Variants in LRBA observed in about 807,000 individuals in gnomAD.
LRBA encodes the protein lipopolysaccharide-responsive and beige-like anchor protein.
A neutral mutation model predicts 330.0 loss-of-function variants in LRBA; 176 were observed. The observed-to-expected ratio is 0.53, with a 90% CI of 0.47 to 0.60. The LOEUF (loss-of-function observed/expected upper bound fraction) is 0.60, where lower values mean the gene tolerates loss of function less well. LRBA is among the 20% of genes least tolerant of loss of function. The probability of loss-of-function intolerance (pLI) is 0.00; values close to 1 mark genes in which losing one functional copy is unlikely to be tolerated. For missense variants in LRBA, 3,259 were observed against 3,444.8 expected (o/e 0.95, Z 1.35); for synonymous variants, 1,230 against 1,193.0 (o/e 1.03, Z -0.64).
intron 37 of LRBA, among the ~76,000 whole-genome samples, chr4:150,658,155 C>G (rs1780401702): frequency 6.8e-6 from 1 of 147,032 alleles, no homozygotes. Context: ...ATATTGTGCT[C>G]TCAAAAACAA....
intron 40 of LRBA, among the ~76,000 whole-genome samples, chr4:150,539,069 G>C (rs997857917): frequency 1.3e-5 from 2 of 151,962 alleles, no homozygotes. Flanking sequence ...TCTGCCTCCT[G>C]GGTTCAAGCA....
At chr4:150,500,124 AG>A (rs993692437) in intron 40 of LRBA, among the ~76,000 whole-genome samples, 1 of 152,214 alleles carries the variant, frequency 6.6e-6, no homozygotes, top group Non-Finnish European at 1.5e-5. Flanking sequence ...CCCAACATGA[AG>A]AAAGGATGTT....
intron 46 of LRBA, among the ~76,000 whole-genome samples, chr4:150,432,279 A>G (rs1581290346): frequency 1.3e-5 from 2 of 152,094 alleles, no homozygotes; most frequent in East Asian, 3.9e-4. Context: ...CCACCATCAT[A>G]TTTCACCATC....
chr4:150,440,599 G>A (rs936382252), intron 44 of LRBA, among the ~76,000 whole-genome samples: 5 of 151,912 alleles, frequency 3.3e-5, no homozygotes, highest in African/African-American at 1.2e-4. Context: ...AACATGATGA[G>A]ATCCTGTCTC....
intron 37 of LRBA, among the ~76,000 whole-genome samples, chr4:150,679,069 G>A (rs1177352322): frequency 2.6e-5 from 4 of 151,834 alleles, no homozygotes; most frequent in Admixed American, 6.6e-5. Flanking sequence ...AAGAAAATAC[G>A]TCAAGATGAG....
At chr4:150,771,786 C>T (rs72961810) in intron 34 of LRBA, among the ~76,000 whole-genome samples, 4,936 of 152,280 alleles carry the variant, frequency 0.032, 222 homozygotes, top group African/African-American at 0.11. Flanking sequence ...CCTTGGATAA[C>T]CTCCATCCCT....
At chr4:150,565,526 AT>A (rs1001270912) in intron 40 of LRBA, among the ~76,000 whole-genome samples, 5 of 152,292 alleles carry the variant, frequency 3.3e-5, no homozygotes, top group South Asian at 2.1e-4. Context: ...TGTAAAAAAA[AT>A]AAAATCTATG....
chr4:150,329,894 C>T (rs1733766070), intron 48 of LRBA, among the ~76,000 whole-genome samples: 1 of 152,154 alleles, frequency 6.6e-6, no homozygotes, highest in Non-Finnish European at 1.5e-5. Context: ...TTATCACATT[C>T]ATCACTCCTT....
intron 47 of LRBA, among the ~76,000 whole-genome samples, chr4:150,415,086 G>A (rs1475467516): frequency 4.6e-5 from 7 of 152,052 alleles, no homozygotes; most frequent in African/African-American, 1.4e-4. Context: ...AATGTGCAAT[G>A]GCCTTCTAAC....
chr4:150,351,750 C>A (rs1206771808), intron 47 of LRBA, among the ~76,000 whole-genome samples: 16 of 152,160 alleles, frequency 1.1e-4, no homozygotes. Flanking sequence ...GGGGTATGTT[C>A]TTCGAAGACC....
chr4:150,828,922 G>GGGTGT (rs1491558415), intron 29 of LRBA, among the ~76,000 whole-genome samples: 1 of 106,176 alleles, frequency 9.4e-6, no homozygotes, highest in Non-Finnish European at 1.9e-5. Flanking sequence ...CTTTTTTGGG[G>GGGTGT]GTGTGTGTGT....
chr4:150,727,708 G>A (rs1729890861), intron 36 of LRBA, among the ~76,000 whole-genome samples: 4 of 151,858 alleles, frequency 2.6e-5, no homozygotes, highest in Non-Finnish European at 5.9e-5. Flanking sequence ...ACAGGATACA[G>A]CAAAAGCACT....
At chr4:150,406,988 G>T (rs1329242819) in intron 47 of LRBA, among the ~76,000 whole-genome samples, 1 of 152,058 alleles carries the variant, frequency 6.6e-6, no homozygotes, top group African/African-American at 2.4e-5. Context: ...TGCCATGTTC[G>T]CCAGGCTGGT....
intron 40 of LRBA, chr4:150,579,228 G>A (rs1350439518): frequency 2.2e-6 from 1 of 456,670 alleles, no homozygotes. Context: ...ATACATAAAA[G>A]CAGAGGTGAC....
chr4:150,697,381 C>G (rs1328509839), intron 36 of LRBA, among the ~76,000 whole-genome samples: 1 of 125,812 alleles, frequency 7.9e-6, no homozygotes, highest in African/African-American at 2.9e-5. Flanking sequence ...GAATTAAAGG[C>G]TAAGTACCTG....
chr4:150,443,508 T>C (rs1752113859), intron 44 of LRBA, among the ~76,000 whole-genome samples: 2 of 152,222 alleles, frequency 1.3e-5, no homozygotes, highest in Non-Finnish European at 2.9e-5. Context: ...CATGGAATAC[T>C]ATGCAGCCAT....
At chr4:150,694,462 C>CGAAAAAAAAAAAAAA (rs1784431737) in intron 36 of LRBA, among the ~76,000 whole-genome samples, 2 of 71,010 alleles carry the variant, frequency 2.8e-5, no homozygotes, top group African/African-American at 4.9e-5. Flanking sequence ...TGATCTTTAA[C>CGAAAAAAAAAAAAAA]AAAAAAAAAA....
chr4:151,008,534 C>A (rs1254202149), intron 2 of LRBA, among the ~76,000 whole-genome samples: 1 of 151,828 alleles, frequency 6.6e-6, no homozygotes, highest in African/African-American at 2.4e-5. Context: ...AAAGTAAGCC[C>A]TTAGTATGCA....
At chr4:150,508,845 C>A (rs1190945031) in intron 40 of LRBA, among the ~76,000 whole-genome samples, 1 of 152,108 alleles carries the variant, frequency 6.6e-6, no homozygotes, top group Non-Finnish European at 1.5e-5. Flanking sequence ...AGGAGTTGAA[C>A]AAGACCATCA....
Sources: gnomAD v4.1 joint callset for allele counts (sites outside exome capture counted in the v4.1 genomes callset) on GRCh38, gnomAD v4.1.1 for gene constraint, MANE v1.5 for transcripts, NCBI Gene and HGNC (gene_info 2026-07-23, HGNC 2026-07-21) for gene names.